FRMD4B: variants seen among roughly 807,000 people sequenced by gnomAD.
FRMD4B encodes the protein FERM domain-containing protein 4B.
A neutral mutation model predicts 141.5 loss-of-function variants in FRMD4B; 74 were observed. The observed-to-expected ratio is 0.52, with a 90% CI of 0.43 to 0.63. The LOEUF (loss-of-function observed/expected upper bound fraction) is 0.63. FRMD4B is among the 30% of genes least tolerant of loss of function. The pLI is 0.00. For synonymous variants in FRMD4B, 506 were observed against 467.9 expected (o/e 1.08, Z -1.05); for missense variants, 1,366 against 1,253.4 (o/e 1.09, Z -1.36).
chr3:69,508,503 A>C (rs1214998050), intron 1 of FRMD4B, among the ~76,000 whole-genome samples: 5 of 152,204 alleles, frequency 3.3e-5, no homozygotes, highest in African/African-American at 1.2e-4. Flanking sequence ...CAATGAGAAT[A>C]GGGGAAGGGA....
intron 1 of FRMD4B, among the ~76,000 whole-genome samples, chr3:69,520,258 A>AAT (rs1301774390): frequency 1.3e-5 from 1 of 76,400 alleles, no homozygotes; most frequent in Non-Finnish European, 2.3e-5. Context: ...TATATGATGG[A>AAT]ATATATATAT....
rs182986244 is a variant in FRMD4B, at chr3:69,184,542, G to C, written c.1920-1825C>G. 9.2e-4 allele frequency among the ~76,000 whole-genome samples: 140 copies of C among 152,314 alleles called. 1 individual carries two copies. The highest frequency in any genetic ancestry group is 3.2e-3 in the African/African-American group (133 of 41,556). On this transcript the variant is annotated intron_variant, in intron 19 of 22. Transcript: ENST00000398540. Reference sequence around the variant, plus strand: ...CCAGTAGTGTAAGCAATGCTGTAATGAGCATCCTACATGTAGTTAGTTAAT... The same window carrying C: ...CCAGTAGTGTAAGCAATGCTGTAATCAGCATCCTACATGTAGTTAGTTAAT...
intron 1 of FRMD4B, among the ~76,000 whole-genome samples, chr3:69,467,780 T>C (rs1405259639): frequency 6.6e-6 from 1 of 152,196 alleles, no homozygotes; most frequent in Non-Finnish European, 1.5e-5. Context: ...ATGACTCGTT[T>C]AGGTACGGGT....
At chr3:69,383,101 A>T (rs1354633942) in intron 1 of FRMD4B, among the ~76,000 whole-genome samples, 1 of 152,130 alleles carries the variant, frequency 6.6e-6, no homozygotes, top group Non-Finnish European at 1.5e-5. Flanking sequence ...TTCTTTTATC[A>T]ATCTCTGTGA....
chr3:69,309,009 G>A (rs1343413289), intron 3 of FRMD4B, among the ~76,000 whole-genome samples: 1 of 152,156 alleles, frequency 6.6e-6, no homozygotes, highest in African/African-American at 2.4e-5. Flanking sequence ...TGTTATGCTA[G>A]ACTATAGCAT....
chr3:69,454,844 G>A (rs535777635), intron 1 of FRMD4B, among the ~76,000 whole-genome samples: 28 of 152,326 alleles, frequency 1.8e-4, no homozygotes, highest in East Asian at 1.4e-3. Flanking sequence ...GGGCACCTCC[G>A]CCCGTGGCCC....
chr3:69,415,992 T>C (rs1001678363), intron 2 of FRMD4B, among the ~76,000 whole-genome samples: 1 of 152,220 alleles, frequency 6.6e-6, no homozygotes, highest in East Asian at 1.9e-4. Flanking sequence ...ACTCCCCTGC[T>C]GAATAAAGTG....
chr3:69,354,315 A>G (rs566939254), intron 1 of FRMD4B, among the ~76,000 whole-genome samples: 2 of 152,362 alleles, frequency 1.3e-5, no homozygotes, highest in South Asian at 4.1e-4. Flanking sequence ...AAAAACATAT[A>G]GAATACTGGA....
chr3:69,437,678 ATAGTATATATG>A, intron 1 of FRMD4B, among the ~76,000 whole-genome samples: 1 of 133,528 alleles, frequency 7.5e-6, no homozygotes, highest in South Asian at 2.2e-4. Context: ...TATATATACT[ATAGTATATATG>A]TAGTATATAT....
chr3:69,490,154 G>A (rs1046575215), intron 1 of FRMD4B, among the ~76,000 whole-genome samples: 6 of 152,096 alleles, frequency 3.9e-5, no homozygotes, highest in African/African-American at 1.4e-4. Context: ...TATGGTGCTG[G>A]TTGCCCTAAT....
Position 69,171,686 on chromosome 3 carries a change from G to T in FRMD4B, c.*175C>A. The T allele has an allele frequency of 1.6e-6, 1 of 627,256 alleles. No individual in the cohort carries two copies. The highest frequency in any genetic ancestry group is 2.8e-6 in the Non-Finnish European group (1 of 359,024). The allele number at this position is 627,256 out of a possible 1,614,324, so 38.9% of individuals were successfully genotyped here. A position where few individuals can be genotyped will look rare whatever the true frequency, so the allele number is the denominator to read the frequency against. ...TGAAAGGCCAAATCCTCCTTTAGGG[G>T]CTTTGTGGGGCTTGGTGTGTGATTC... On this transcript the variant is annotated 3_prime_UTR_variant, in exon 23 of 23. Coordinates refer to ENST00000398540, the MANE Select transcript of FRMD4B (RefSeq NM_015123.3).
At chr3:69,429,257 C>T (rs1292864644) in intron 2 of FRMD4B, among the ~76,000 whole-genome samples, 1 of 152,200 alleles carries the variant, frequency 6.6e-6, no homozygotes, top group Non-Finnish European at 1.5e-5. Context: ...GCCAGTTTAT[C>T]TGGAAGATAA....
intron 1 of FRMD4B, among the ~76,000 whole-genome samples, chr3:69,460,458 T>A (rs1330597499): frequency 6.6e-6 from 1 of 152,320 alleles, no homozygotes; most frequent in Non-Finnish European, 1.5e-5. Context: ...ACTTCACTCT[T>A]TGGGGCTCTT....
intron 1 of FRMD4B, among the ~76,000 whole-genome samples, chr3:69,480,357 G>A (rs888656512): frequency 6.6e-6 from 1 of 152,116 alleles, no homozygotes; most frequent in African/African-American, 2.4e-5. Context: ...TTTGGTCTTT[G>A]AAGATGGTGA....
chr3:69,386,056 T>A lies in FRMD4B; in HGVS notation c.-67A>T. ...ACGTGCAGCCCCGACCCCAGCGGCC[T>A]GCCCGCCTGGGCTCCCGACGCCGGC... On this transcript the variant is annotated 5_prime_UTR_variant, in exon 1 of 23. Transcript: ENST00000398540. 1.5e-6 allele frequency: 2 copies of A among 1,331,902 alleles called. No homozygotes were observed. Among genetic ancestry groups the A allele is most frequent in the Non-Finnish European group, 2.0e-6 (2 of 1,016,632 alleles). 82.5% of individuals were successfully genotyped at this position (1,331,902 alleles called of 1,614,324 possible).
intron 1 of FRMD4B, among the ~76,000 whole-genome samples, chr3:69,338,403 A>C (rs1702626532): frequency 1.3e-5 from 2 of 152,152 alleles, no homozygotes; most frequent in Non-Finnish European, 2.9e-5. Context: ...ACATGTATAT[A>C]TATGTAACAA....
At chr3:69,243,249 T>C (rs1435674045) in intron 7 of FRMD4B, among the ~76,000 whole-genome samples, 2 of 152,162 alleles carry the variant, frequency 1.3e-5, no homozygotes, top group African/African-American at 4.8e-5. Context: ...CTACTGGTTA[T>C]GATAATGTTA....
chr3:69,326,041 T>C (rs979542948), intron 1 of FRMD4B, among the ~76,000 whole-genome samples: 1 of 152,028 alleles, frequency 6.6e-6, no homozygotes, highest in Non-Finnish European at 1.5e-5. Context: ...TTCAGCCTCC[T>C]GGGCTCACGC....
At chr3:69,257,795 G>T (rs1026753868) in intron 5 of FRMD4B, among the ~76,000 whole-genome samples, 1 of 151,522 alleles carries the variant, frequency 6.6e-6, no homozygotes, top group African/African-American at 2.4e-5. Flanking sequence ...CTGAGTAGCC[G>T]GGACTACAGG....
Sources: allele counts gnomAD v4.1 joint callset (sites outside exome capture counted in the v4.1 genomes callset), GRCh38; gene constraint gnomAD v4.1.1; transcripts MANE v1.5; gene names NCBI Gene and HGNC (gene_info 2026-07-23, HGNC 2026-07-21).